AP4S1: variants seen among roughly 807,000 people sequenced by gnomAD.
AP4S1 encodes adaptor related protein complex 4 subunit sigma 1, also known as AP-4 complex subunit sigma-1.
A neutral mutation model predicts 19.8 loss-of-function variants in AP4S1; 23 were observed. That is an observed-to-expected ratio of 1.16 (90% CI 0.84 to 1.65). AP4S1 has a LOEUF of 1.65. Ranked by LOEUF, AP4S1 falls within the 40% of genes most tolerant of loss-of-function variation. The pLI is 0.00. For missense variants in AP4S1, 166 were observed against 172.8 expected (o/e 0.96, Z 0.22); for synonymous variants, 46 against 54.1 (o/e 0.85, Z 0.66).
In AP4S1 at chr14:31,092,997, G is replaced by A. The variant is rs1888116796; in HGVS notation, c.397G>A (p.Ala133Thr). ...GGAAACTAACAGGGCAAGAATTCTT[G>A]CCCCTCTACTAATTCTTGATAAGAT... ...IVETNRARILAPLLILDKMSE... is the reference protein window; with the variant it reads ...IVETNRARILTPLLILDKMSE... Residue 133 changes from alanine to threonine, a missense_variant, in exon 6 of 6, where the codon GCC becomes ACC. Transcript: ENST00000542754. The A allele has an allele frequency of 6.5e-7, 1 of 1,548,540 alleles. No homozygotes were observed. Among genetic ancestry groups the A allele is most frequent in the Admixed American group, 2.0e-5 (1 of 50,760 alleles).
intron 2 of AP4S1, 95 bp downstream of exon 2, chr14:31,066,429 T>C (rs1055225762): frequency 7.9e-6 from 12 of 1,510,848 alleles, no homozygotes; most frequent in African/African-American, 1.4e-5. Context: ...TTCTTTGAGC[T>C]ATATTCCTTC....
chr14:31,042,855 C>G (rs891175925), intron 1 of AP4S1, among the ~76,000 whole-genome samples: 1 of 152,156 alleles, frequency 6.6e-6, no homozygotes, highest in East Asian at 1.9e-4. Flanking sequence ...TTTGATGAGA[C>G]TCTTTGGTCA....
chr14:31,035,958 C>T (rs1884742055), intron 1 of AP4S1, among the ~76,000 whole-genome samples: 1 of 151,986 alleles, frequency 6.6e-6, no homozygotes, highest in African/African-American at 2.4e-5. Context: ...TCTCGATATC[C>T]TGACCTGGTG....
At chr14:31,076,872 G>C (rs116237676) in intron 4 of AP4S1, among the ~76,000 whole-genome samples, 1 of 152,172 alleles carries the variant, frequency 6.6e-6, no homozygotes, top group African/African-American at 2.4e-5. Context: ...TGGTACCATA[G>C]GCCTTCCTGA....
chr14:31,085,248 C>T lies in AP4S1; in HGVS notation c.306+4664C>T, dbSNP rs1887869252. On this transcript the variant is annotated intron_variant, in intron 5 of 5. Transcript: ENST00000542754. ...TAGAATTTATAAGGTCCCTAGATAT[C>T]CCAGAACCTGCCACCATGGCCTCTG... 1.9e-5 allele frequency: 20 copies of T among 1,033,866 alleles called. No homozygotes were observed. The South Asian group carries it at 7.2e-4, about 37-fold the overall frequency. The allele number at this position is 1,033,866 out of a possible 1,614,324, so 64.0% of individuals were successfully genotyped here. A position where few individuals can be genotyped will look rare whatever the true frequency, so the allele number is the denominator to read the frequency against.
At chr14:31,075,050 T>G (rs1448687280) in intron 4 of AP4S1, among the ~76,000 whole-genome samples, 2 of 152,238 alleles carry the variant, frequency 1.3e-5, no homozygotes, top group East Asian at 3.8e-4. Context: ...AATTATTCTC[T>G]TAGCTATTTT....
At chr14:31,025,498 C>G (rs1453097364), upstream of AP4S1, 3 of 209,682 alleles carry the variant, frequency 1.4e-5, no homozygotes, top group African/African-American at 7.1e-5. Flanking sequence ...ATCCTAGTCC[C>G]TCTCTTCGGG....
At chr14:31,085,808 GT>G in intron 5 of AP4S1, 1 of 980,406 alleles carries the variant, frequency 1.0e-6, no homozygotes, top group Non-Finnish European at 1.2e-6. Flanking sequence ...CAACATTCCT[GT>G]TTGTATTTTA....
Position 31,094,720 on chromosome 14 carries a change from C to G in AP4S1, c.*1685C>G, listed in dbSNP as rs1888158315. The G allele has an allele frequency of 2.0e-5, 3 of 152,324 alleles. No individual in the cohort carries two copies. The South Asian group carries it at 6.2e-4, about 31-fold the overall frequency. The allele number at this position is 152,324 out of a possible 1,614,324, so 9.4% of individuals were successfully genotyped here. A position where few individuals can be genotyped will look rare whatever the true frequency, so the allele number is the denominator to read the frequency against. On this transcript the variant is annotated 3_prime_UTR_variant, in exon 6 of 6. Transcript: ENST00000542754. ...CCTGGGCAACACAGCAAGACCATAT[C>G]TCTACAAAAAATAAATAGGTGTGAT...
intron 1 of AP4S1, among the ~76,000 whole-genome samples, chr14:31,035,323 T>C (rs1029693829): frequency 2.0e-5 from 3 of 150,198 alleles, no homozygotes; most frequent in African/African-American, 7.4e-5. Flanking sequence ...GCCTCCCGAG[T>C]AGCTGGGATT....
intron 1 of AP4S1, among the ~76,000 whole-genome samples, chr14:31,062,859 C>T (rs369864446): frequency 6.6e-6 from 1 of 151,644 alleles, no homozygotes; most frequent in African/African-American, 2.4e-5. Context: ...CCCAGCTACT[C>T]GGGAGGCTGA....
chr14:31,080,636 C>T (rs1357575275), intron 5 of AP4S1, 52 bp downstream of exon 5: 5 of 1,612,084 alleles, frequency 3.1e-6, no homozygotes, highest in Middle Eastern at 1.6e-4. Context: ...GCACTCTGGT[C>T]CTTATCAGGT....
At chr14:31,039,487 A>G (rs1389497858) in intron 1 of AP4S1, among the ~76,000 whole-genome samples, 1 of 150,602 alleles carries the variant, frequency 6.6e-6, no homozygotes, top group Non-Finnish European at 1.5e-5. Flanking sequence ...GTCTGGCCCT[A>G]ATGTAGCTTT....
intron 1 of AP4S1, among the ~76,000 whole-genome samples, chr14:31,046,851 A>T (rs1238568024): frequency 6.6e-6 from 1 of 151,836 alleles, no homozygotes; most frequent in Non-Finnish European, 1.5e-5. Flanking sequence ...GTCTCAAAAA[A>T]AAAAAAAAAA....
intron 1 of AP4S1, among the ~76,000 whole-genome samples, chr14:31,061,674 C>T (rs1035121937): frequency 6.0e-5 from 9 of 150,674 alleles, no homozygotes; most frequent in Non-Finnish European, 1.0e-4. Context: ...GATGGAGTCT[C>T]GCTCTGTCAC....
intron 1 of AP4S1, among the ~76,000 whole-genome samples, chr14:31,043,439 A>AGGT (rs939878278): frequency 2.0e-5 from 3 of 152,186 alleles, no homozygotes; most frequent in African/African-American, 7.2e-5. Context: ...AGAATGGAAC[A>AGGT]GGTACAGGAA....
chr14:31,046,681 TA>T (rs1481164073), intron 1 of AP4S1, among the ~76,000 whole-genome samples: 1 of 151,806 alleles, frequency 6.6e-6, no homozygotes, highest in Non-Finnish European at 1.5e-5. Context: ...CCGTCGCTAC[TA>T]AAAAATACAA....
rs148108467 is a variant in AP4S1 at position 31,046,703 on chromosome 14, G to A, written c.-71-19423G>A. 9.4e-3 allele frequency among the ~76,000 whole-genome samples: 1,431 copies of A among 152,130 alleles called. 28 individuals are homozygous for A. The highest frequency in any genetic ancestry group is 0.031 in the African/African-American group (1,287 of 41,522). On this transcript the variant is annotated intron_variant, in intron 1 of 5. Coordinates refer to ENST00000542754, the MANE Select transcript of AP4S1 (RefSeq NM_001128126.3). ...TACTAAAAAATACAAAAAGTTAGCC[G>A]GGCATGGTGGTGGGCACCTGTAGTC... is the stretch of plus-strand genomic sequence containing the variant.
At chr14:31,085,796 T>C in intron 5 of AP4S1, 1 of 977,416 alleles carries the variant, frequency 1.0e-6, no homozygotes, top group Non-Finnish European at 1.2e-6. Context: ...AAAACATCTT[T>C]ACAACATTCC....
Sources: gnomAD v4.1 joint callset for allele counts (sites outside exome capture counted in the v4.1 genomes callset) on GRCh38, gnomAD v4.1.1 for gene constraint, MANE v1.5 for transcripts, NCBI Gene and HGNC (gene_info 2026-07-23, HGNC 2026-07-21) for gene names.